ESYT2: variants seen among roughly 807,000 people sequenced by gnomAD.
ESYT2 encodes extended synaptotagmin 2, also known as extended synaptotagmin-2.
In ESYT2, 54 loss-of-function variants were observed where a neutral mutation model predicts 107.2. The observed-to-expected ratio is 0.50, with a 90% CI of 0.40 to 0.63. The LOEUF (loss-of-function observed/expected upper bound fraction) is 0.63, where lower values mean the gene tolerates loss of function less well. Among genes scored for constraint, ESYT2 ranks in the 30% least tolerant of loss-of-function variants. ESYT2 has a pLI of 0.00. For synonymous variants in ESYT2, 491 were observed against 434.1 expected (o/e 1.13, Z -1.63); for missense variants, 1,020 against 1,094.5 (o/e 0.93, Z 0.96).
At chr7:158,821,683 C>G (rs1840289498) in intron 1 of ESYT2, among the ~76,000 whole-genome samples, 1 of 152,190 alleles carries the variant, frequency 6.6e-6, no homozygotes, top group Non-Finnish European at 1.5e-5. Context: ...GGGACCACTT[C>G]CTTTCCTCAC....
chr7:158,784,252 C>T (rs6459900), intron 6 of ESYT2, among the ~76,000 whole-genome samples: 24,083 of 152,192 alleles, frequency 0.16, 3,242 homozygotes, highest in East Asian at 0.55. Context: ...CAGTTACTAA[C>T]GTGTGGTCTG....
intron 21 of ESYT2, among the ~76,000 whole-genome samples, chr7:158,735,147 A>G (rs3816458): frequency 0.23 from 34,838 of 152,112 alleles, 5,459 homozygotes; most frequent in East Asian, 0.6. Flanking sequence ...CCTAAATAAC[A>G]TACACTCACA....
At chr7:158,760,506 C>A (rs926437596) in intron 11 of ESYT2, among the ~76,000 whole-genome samples, 1 of 151,934 alleles carries the variant, frequency 6.6e-6, no homozygotes, top group Non-Finnish European at 1.5e-5. Context: ...TATGAATAGA[C>A]TTCTTTTTTT....
Position 158,829,203 on chromosome 7 carries a change from C to G in ESYT2, c.216G>C (p.Trp72Cys), listed in dbSNP as rs1840556071. The change falls in exon 1 of 23, where the codon TGG becomes TGC. Residue 72 changes from tryptophan to cysteine, a missense_variant. Coordinates refer to ENST00000275418, the MANE Select transcript of ESYT2 (RefSeq NM_001367773.1). ...CCTTGAGGCCGCGGCTGCGGCGACA[C>G]CAGGCGAGCAGCGCGAGCGCGAGGA... ...WVLLALALLA[W>C]CRRSRGLKAL... The G allele has an allele frequency of 6.5e-7, 1 of 1,532,304 alleles. No homozygotes were observed. Among genetic ancestry groups the G allele is most frequent in the Non-Finnish European group, 8.7e-7 (1 of 1,147,192 alleles). 94.9% of individuals were successfully genotyped at this position (1,532,304 alleles called of 1,614,324 possible).
intron 1 of ESYT2, among the ~76,000 whole-genome samples, chr7:158,805,264 C>A (rs1315958942): frequency 6.6e-6 from 1 of 152,246 alleles, no homozygotes; most frequent in African/African-American, 2.4e-5. Context: ...CAAATCCTAT[C>A]TGCCTGTCTT....
intron 1 of ESYT2, among the ~76,000 whole-genome samples, chr7:158,802,279 T>C (rs143275042): frequency 2.6e-5 from 4 of 152,092 alleles, no homozygotes; most frequent in Middle Eastern, 3.4e-3. Context: ...CCATGTCCTA[T>C]GCACGATATA....
intron 9 of ESYT2, among the ~76,000 whole-genome samples, 190 bp from the exon 10 acceptor site, chr7:158,763,355 C>T (rs1020750666): frequency 1.3e-5 from 2 of 151,974 alleles, no homozygotes; most frequent in African/African-American, 2.4e-5. Flanking sequence ...AGTGCAGTGG[C>T]ACAATCTTGG....
intron 9 of ESYT2, 115 bp from the exon 10 acceptor site, chr7:158,763,280 T>C (rs376097958): frequency 7.3e-6 from 2 of 274,836 alleles, no homozygotes; most frequent in South Asian, 8.3e-5. Flanking sequence ...TGGTAAATCC[T>C]TATTTATTTA....
chr7:158,825,979 GT>G (rs1330876662), intron 1 of ESYT2, among the ~76,000 whole-genome samples: 1 of 148,528 alleles, frequency 6.7e-6, no homozygotes, highest in Non-Finnish European at 1.5e-5. Context: ...GAGGCCAAAA[GT>G]TTGAGACCAG....
intron 1 of ESYT2, among the ~76,000 whole-genome samples, chr7:158,805,174 A>C (rs1839789082): frequency 6.6e-6 from 1 of 152,138 alleles, no homozygotes; most frequent in Non-Finnish European, 1.5e-5. Flanking sequence ...TGGTACCAAC[A>C]CAAATTTGTG....
intron 15 of ESYT2, among the ~76,000 whole-genome samples, 163 bp downstream of exon 15, chr7:158,749,486 A>G (rs1199899876): frequency 6.6e-6 from 1 of 152,178 alleles, no homozygotes; most frequent in Non-Finnish European, 1.5e-5. Context: ...ATCTATATCA[A>G]ATGACTGATC....
intron 1 of ESYT2, among the ~76,000 whole-genome samples, chr7:158,828,328 G>A (rs1840515030): frequency 6.6e-6 from 1 of 152,262 alleles, no homozygotes; most frequent in Non-Finnish European, 1.5e-5. Context: ...AGCATTTCCA[G>A]GCCGGCAGGG....
intron 16 of ESYT2, among the ~76,000 whole-genome samples, chr7:158,744,509 A>T (rs907508515): frequency 6.6e-6 from 1 of 152,204 alleles, no homozygotes; most frequent in African/African-American, 2.4e-5. Context: ...CACATTAAAG[A>T]AAATTTACAG....
intron 1 of ESYT2, among the ~76,000 whole-genome samples, chr7:158,820,208 A>G (rs1252438861): frequency 6.6e-6 from 1 of 152,218 alleles, no homozygotes; most frequent in Non-Finnish European, 1.5e-5. Flanking sequence ...TTTTTACTAA[A>G]AGAATGGGGG....
intron 1 of ESYT2, among the ~76,000 whole-genome samples, chr7:158,816,110 G>A (rs1450803527): frequency 6.6e-6 from 1 of 152,168 alleles, no homozygotes; most frequent in Non-Finnish European, 1.5e-5. Flanking sequence ...GGCCCTAAAT[G>A]CCATCTCCAG....
At chr7:158,758,627 C>T (rs553050408) in intron 13 of ESYT2, among the ~76,000 whole-genome samples, 35 of 152,214 alleles carry the variant, frequency 2.3e-4, no homozygotes, top group Middle Eastern at 6.8e-3. Flanking sequence ...ACTTCTGCAC[C>T]GCGTGGCAGC....
intron 1 of ESYT2, among the ~76,000 whole-genome samples, chr7:158,810,859 C>A (rs1396401848): frequency 6.6e-6 from 1 of 151,996 alleles, no homozygotes; most frequent in Non-Finnish European, 1.5e-5. Context: ...TATAGGGTTT[C>A]TTTACAGAAG....
chr7:158,793,833 A>G, intron 3 of ESYT2, 107 bp from the exon 4 acceptor site: 2 of 884,012 alleles, frequency 2.3e-6, no homozygotes. Flanking sequence ...TTCAGACTAC[A>G]ACAGGAATTA....
chr7:158,811,600 T>A (rs1415527594), intron 1 of ESYT2, among the ~76,000 whole-genome samples: 1 of 152,022 alleles, frequency 6.6e-6, no homozygotes, highest in Non-Finnish European at 1.5e-5. Flanking sequence ...CCGCCACAGC[T>A]CACACACACA....
Sources: allele counts gnomAD v4.1 joint callset (sites outside exome capture counted in the v4.1 genomes callset), GRCh38; gene constraint gnomAD v4.1.1; transcripts MANE v1.5; gene names NCBI Gene and HGNC (gene_info 2026-07-23, HGNC 2026-07-21).